Variants in AP1G1 observed in about 807,000 individuals in gnomAD.
AP1G1 encodes AP-1 complex subunit gamma-1.
AP1G1 carries 7 observed loss-of-function variants against 108.3 expected under a neutral mutation model. That is an observed-to-expected ratio of 0.06 (90% CI 0.04 to 0.12). The LOEUF (loss-of-function observed/expected upper bound fraction) is 0.12, where lower values mean the gene tolerates loss of function less well. Among genes scored for constraint, AP1G1 ranks in the 10% least tolerant of loss-of-function variants. AP1G1 has a pLI of 1.00. For synonymous variants in AP1G1, 379 were observed against 353.5 expected, an observed-to-expected ratio of 1.07 and a Z score of -0.81; for missense variants, 756 against 1,010.7, an observed-to-expected ratio of 0.75 and a Z score of 3.42.
intron 1 of AP1G1, among the ~76,000 whole-genome samples, chr16:71,807,196 C>A (rs1388577409): frequency 2.7e-5 from 4 of 150,464 alleles, no homozygotes; most frequent in African/African-American, 9.7e-5. Context: ...GAGGCCGAGG[C>A]GGGCGGATTA....
intron 2 of AP1G1, among the ~76,000 whole-genome samples, chr16:71,783,631 C>T (rs2032101233): frequency 6.6e-6 from 1 of 151,984 alleles, no homozygotes; most frequent in African/African-American, 2.4e-5. Context: ...CTATGCTACA[C>T]AGATGGAAGG....
At chr16:71,753,041 GTT>G (rs1491240483) in intron 13 of AP1G1, among the ~76,000 whole-genome samples, 1 of 152,068 alleles carries the variant, frequency 6.6e-6, no homozygotes, top group Admixed American at 6.5e-5. Flanking sequence ...ATCGTAGACT[GTT>G]CCCCTTTTTG....
chr16:71,793,082 T>C (rs1288162059), intron 1 of AP1G1, among the ~76,000 whole-genome samples: 1 of 151,604 alleles, frequency 6.6e-6, no homozygotes, highest in Non-Finnish European at 1.5e-5. Context: ...GGTGGGAGGA[T>C]GACCTGAGCC....
chr16:71,737,506 A>G (rs534374984), intron 21 of AP1G1, among the ~76,000 whole-genome samples: 1 of 152,260 alleles, frequency 6.6e-6, no homozygotes, highest in African/African-American at 2.4e-5. Context: ...GCTGGTCTCA[A>G]ACTCCTGAGC....
Position 71,771,193 on chromosome 16 carries a change from T to G in AP1G1, c.528A>C (p.Leu176Phe), listed in dbSNP as rs1157234672. Residue 176 changes from leucine (L) to phenylalanine (F), a missense_variant, in exon 5 of 23, where the codon TTA (leucine) becomes TTC (phenylalanine). Leu to Phe is a conservative substitution (Grantham distance 22, BLOSUM62 0). Transcript: ENST00000299980. ...RKVPELMEMF[L>F]PATKNLLNEK... ...CATTCAATAAATTTTTTGTTGCTGGTAAAAACATCTCCATAAGTTCAGGAA... is the reference window on the plus strand; with the variant it reads ...CATTCAATAAATTTTTTGTTGCTGGGAAAAACATCTCCATAAGTTCAGGAA... The G allele has an allele frequency of 6.2e-7, 1 of 1,610,768 alleles. No individual in the cohort carries two copies. Among genetic ancestry groups the G allele is most frequent in the South Asian group, 1.1e-5 (1 of 90,994 alleles).
chr16:71,766,011 T>A (rs1361708737), intron 6 of AP1G1, among the ~76,000 whole-genome samples: 1 of 152,144 alleles, frequency 6.6e-6, no homozygotes, highest in Admixed American at 6.5e-5. Flanking sequence ...ATACAACTAG[T>A]GATCTTATTA....
chr16:71,730,512 C>T lies in AP1G1; in HGVS notation c.*2546G>A, dbSNP rs113831755. ...TTGCTCCCCCTTGAGTGGTTATACT[C>T]GGGAAAGGAATTATTGAAATGTGCA... On this transcript the variant is annotated 3_prime_UTR_variant, in exon 23 of 23. Transcript: ENST00000299980. The T allele has an allele frequency of 2.0e-5, 3 of 152,418 alleles. No homozygotes were observed. Among genetic ancestry groups the T allele is most frequent in the South Asian group, 2.1e-4 (1 of 4,814 alleles). The allele number at this position is 152,418 out of a possible 1,614,324, so 9.4% of individuals were successfully genotyped here. A position where few individuals can be genotyped will look rare whatever the true frequency, so the allele number is the denominator to read the frequency against.
intron 22 of AP1G1, among the ~76,000 whole-genome samples, chr16:71,733,717 C>T (rs1380770391): frequency 6.6e-6 from 1 of 152,108 alleles, no homozygotes. Flanking sequence ...AACCTTGTAT[C>T]CAAGTCTCTT....
intron 1 of AP1G1, among the ~76,000 whole-genome samples, chr16:71,790,329 TC>T (rs1300843494): frequency 3.9e-5 from 6 of 151,928 alleles, no homozygotes; most frequent in African/African-American, 1.4e-4. Context: ...TCACCTGAGG[TC>T]GGGAGTTCGA....
chr16:71,746,451 A>C (rs2030186925), intron 17 of AP1G1, 137 bp downstream of exon 17: 1 of 484,514 alleles, frequency 2.1e-6, no homozygotes, highest in East Asian at 3.3e-5. Flanking sequence ...AAACAGAAGC[A>C]GACAAGCAAT....
intron 15 of AP1G1, among the ~76,000 whole-genome samples, chr16:71,749,494 AC>A (rs1425372824): frequency 5.4e-4 from 80 of 148,880 alleles, no homozygotes; most frequent in East Asian, 4.7e-3. Flanking sequence ...AAAAAAAAAA[AC>A]AAAAAACCTC....
rs188358913 is a variant in AP1G1, at chr16:71,748,062, G to A, written c.1625+189C>T. ...GTAAAAGAATGAGAGGGAACAAAGT[G>A]CTGATGAATAAAGATTAACCACAAA... On this transcript the variant is annotated intron_variant, in intron 16 of 22. Transcript: ENST00000299980. Among the ~76,000 whole-genome samples the A allele has an allele frequency of 4.6e-5, 7 of 152,334 alleles. No homozygotes were observed. In the East Asian group the frequency reaches 1.3e-3, roughly 29 times the overall value.
intron 10 of AP1G1, among the ~76,000 whole-genome samples, chr16:71,759,565 C>T (rs1323864014): frequency 6.6e-6 from 1 of 151,854 alleles, no homozygotes; most frequent in Non-Finnish European, 1.5e-5. Context: ...TTAAGACCAC[C>T]CTGGCTACCA....
intron 19 of AP1G1, chr16:71,743,259 C>T (rs948164438): frequency 3.3e-5 from 5 of 151,648 alleles, no homozygotes; most frequent in African/African-American, 1.2e-4. Context: ...TTTGTTAAGA[C>T]ACAGACATAA....
Position 71,745,477 on chromosome 16 carries a change from C to A in AP1G1, c.1868G>T (p.Ser623Ile). The change falls in exon 18 of 23, where the codon AGC (serine) becomes ATC (isoleucine). Residue 623 changes from serine to isoleucine, a missense_variant. Coordinates refer to ENST00000299980, the MANE Select transcript of AP1G1 (RefSeq NM_001128.6). ...KPPPSGPQPTSQANDLLDLLG... is the reference protein window; with the variant it reads ...KPPPSGPQPTIQANDLLDLLG... ...AGCAAGTGAAAGGCTGGCTACCTGG[C>A]TGGTGGGCTGTGGCCCAGAGGGTGG... The A allele has an allele frequency of 6.2e-7, 1 of 1,614,160 alleles. No individual in the cohort carries two copies. The highest frequency in any genetic ancestry group is 1.7e-5 in the Admixed American group (1 of 60,020).
rs145286300 is a variant in AP1G1, at chr16:71,757,123, A to G, written c.1089-964T>C. ...TGCATCTTTCCATACTTGGTCAATA[A>G]TATCAAACACTATATGTACACTGAC... On this transcript the variant is annotated intron_variant, in intron 11 of 22. Coordinates refer to ENST00000299980, the MANE Select transcript of AP1G1 (RefSeq NM_001128.6). Among the ~76,000 whole-genome samples the G allele has an allele frequency of 2.0e-3, 309 of 152,304 alleles. 2 individuals carry two copies. Among genetic ancestry groups the G allele is most frequent in the African/African-American group, 7.0e-3 (290 of 41,572 alleles).
intron 1 of AP1G1, among the ~76,000 whole-genome samples, chr16:71,794,577 T>C (rs1363788023): frequency 6.6e-6 from 1 of 152,002 alleles, no homozygotes; most frequent in Non-Finnish European, 1.5e-5. Flanking sequence ...AAAATTTCTA[T>C]CCAAAATGGT....
At chr16:71,807,810 A>C (rs1384192517) in intron 1 of AP1G1, 1 of 1,289,222 alleles carries the variant, frequency 7.8e-7, no homozygotes, top group Non-Finnish European at 1.0e-6. Context: ...CCTCAGATTA[A>C]TATTTTTCTC....
At chr16:71,752,199 T>C (rs560432427) in intron 13 of AP1G1, among the ~76,000 whole-genome samples, 1 of 152,288 alleles carries the variant, frequency 6.6e-6, no homozygotes, top group Admixed American at 6.5e-5. Flanking sequence ...AAAAAAGCTT[T>C]TGAATTCTCA....
Sources: allele counts gnomAD v4.1 joint callset (sites outside exome capture counted in the v4.1 genomes callset), GRCh38; gene constraint gnomAD v4.1.1; transcripts MANE v1.5; gene names NCBI Gene and HGNC (gene_info 2026-07-23, HGNC 2026-07-21).